TUSC3: variants seen among roughly 807,000 people sequenced by gnomAD.
The protein encoded by TUSC3 is tumor suppressor candidate 3, also known as dolichyl-diphosphooligosaccharide--protein glycosyltransferase subunit TUSC3.
Under a neutral mutation model 44.8 loss-of-function variants are expected in TUSC3, and 45 were observed. The observed-to-expected ratio is 1.00, with a 90% CI of 0.79 to 1.29. TUSC3 has a LOEUF of 1.29. Among genes scored for constraint, TUSC3 ranks in the 50% most tolerant of loss-of-function variants. The pLI, the probability that TUSC3 is intolerant of heterozygous loss-of-function variation, is 0.00. For synonymous variants in TUSC3, 212 were observed against 152.9 expected (o/e 1.39, Z -2.85); for missense variants, 519 against 437.9 (o/e 1.19, Z -1.65).
At chr8:15,655,571 C>G (rs75745100) in intron 3 of TUSC3, among the ~76,000 whole-genome samples, 2,034 of 152,312 alleles carry the variant, frequency 0.013, 19 homozygotes, top group East Asian at 0.043. Flanking sequence ...CCTGGCCTTC[C>G]TCCAAGTGCA....
At chr8:15,738,568 C>G (rs1811033481) in intron 7 of TUSC3, among the ~76,000 whole-genome samples, 1 of 152,102 alleles carries the variant, frequency 6.6e-6, no homozygotes, top group Non-Finnish European at 1.5e-5. Flanking sequence ...ACTTGCATAG[C>G]TGGAAAATAC....
At chr8:15,419,146 C>A (rs1799694001) in intron 1 of TUSC3, among the ~76,000 whole-genome samples, 1 of 152,194 alleles carries the variant, frequency 6.6e-6, no homozygotes, top group South Asian at 2.1e-4. Flanking sequence ...CATTTTGTCT[C>A]ATCTCTGCGA....
At chr8:15,473,770 A>G (rs554664150) in intron 1 of TUSC3, among the ~76,000 whole-genome samples, 1 of 152,332 alleles carries the variant, frequency 6.6e-6, no homozygotes, top group South Asian at 2.1e-4. Flanking sequence ...AACAAAGATC[A>G]CATGCTTCTG....
intron 1 of TUSC3, among the ~76,000 whole-genome samples, chr8:15,482,878 T>C (rs1180860193): frequency 6.6e-6 from 1 of 152,238 alleles, no homozygotes; most frequent in Non-Finnish European, 1.5e-5. Context: ...TTTTACATTT[T>C]CTCATGTGTC....
the TUSC3 span, among the ~76,000 whole-genome samples, chr8:15,793,771 T>TA: frequency 6.6e-6 from 1 of 152,192 alleles, no homozygotes; most frequent in Non-Finnish European, 1.5e-5. Flanking sequence ...ACCTGGCACA[T>TA]ATAGGAGCAC....
At chr8:15,452,634 G>T (rs1483963339) in intron 1 of TUSC3, among the ~76,000 whole-genome samples, 1 of 152,124 alleles carries the variant, frequency 6.6e-6, no homozygotes, top group Non-Finnish European at 1.5e-5. Flanking sequence ...GCCTTGCTTT[G>T]TAGTCCAGGA....
chr8:15,775,645 T>TAC, the TUSC3 span, among the ~76,000 whole-genome samples: 5 of 134,494 alleles, frequency 3.7e-5, no homozygotes, highest in African/African-American at 7.9e-5. Context: ...TATATATATA[T>TAC]ATATACACAC....
intron 1 of TUSC3, among the ~76,000 whole-genome samples, chr8:15,447,316 T>C (rs1226814251): frequency 6.6e-6 from 1 of 152,150 alleles, no homozygotes; most frequent in Non-Finnish European, 1.5e-5. Context: ...TCAATTAATT[T>C]ATATGCATGT....
intron 2 of TUSC3, among the ~76,000 whole-genome samples, chr8:15,515,160 C>T (rs1801200608): frequency 6.6e-6 from 1 of 152,036 alleles, no homozygotes; most frequent in South Asian, 2.1e-4. Context: ...TGACTTTCTC[C>T]TTCTTTTTCA....
intron 1 of TUSC3, among the ~76,000 whole-genome samples, chr8:15,599,534 G>T (rs1326687565): frequency 6.6e-6 from 1 of 151,484 alleles, no homozygotes; most frequent in Non-Finnish European, 1.5e-5. Context: ...TTTCTTTTAT[G>T]CTCTCTTATA....
intron 1 of TUSC3, among the ~76,000 whole-genome samples, chr8:15,448,716 AC>A (rs1443278978): frequency 6.6e-6 from 1 of 152,064 alleles, no homozygotes; most frequent in Admixed American, 6.6e-5. Context: ...GGATTATGAA[AC>A]TAAAAATGTT....
chr8:15,789,698 T>C, the TUSC3 span, among the ~76,000 whole-genome samples: 2 of 152,140 alleles, frequency 1.3e-5, no homozygotes, highest in African/African-American at 4.8e-5. Flanking sequence ...ACTTAAAAGA[T>C]GTATGAAACA....
chr8:15,585,209 C>G (rs1192809189), intron 1 of TUSC3, among the ~76,000 whole-genome samples: 1 of 152,014 alleles, frequency 6.6e-6, no homozygotes, highest in Non-Finnish European at 1.5e-5. Context: ...GATGTGGGAG[C>G]TATATAGGGG....
chr8:15,694,633 T>C (rs1395435321), intron 6 of TUSC3, among the ~76,000 whole-genome samples: 1 of 152,014 alleles, frequency 6.6e-6, no homozygotes, highest in Non-Finnish European at 1.5e-5. Context: ...TTGATATCCT[T>C]GGGGCCTTGA....
intron 1 of TUSC3, among the ~76,000 whole-genome samples, chr8:15,463,279 G>T (rs1052568575): frequency 6.6e-6 from 1 of 152,174 alleles, no homozygotes; most frequent in East Asian, 1.9e-4. Context: ...AAAAATATAT[G>T]CTGTTATTTT....
rs943819095 is a variant in TUSC3, at chr8:15,501,789, A to C, written n.189+18306A>C. On this transcript the variant is annotated intron_variant and non_coding_transcript_variant, in intron 2 of 5. Coordinates refer to the TUSC3 transcript ENST00000503191. ...TAACAGGATGCTGATTGCCTTACTT[A>C]TTTGTTTTCAGTGCTCTTTCAGAAA... Among the ~76,000 whole-genome samples the C allele has an allele frequency of 2.0e-4, 31 of 152,142 alleles. 1 individual carries two copies. The highest frequency in any genetic ancestry group is 2.0e-3 in the Admixed American group (31 of 15,284).
At chr8:15,624,471 T>A (rs1305087842) in intron 2 of TUSC3, among the ~76,000 whole-genome samples, 1 of 152,208 alleles carries the variant, frequency 6.6e-6, no homozygotes, top group Non-Finnish European at 1.5e-5. Flanking sequence ...TACCAGCATT[T>A]GCTGTTGTGA....
chr8:15,627,712 C>T (rs1805579388), intron 2 of TUSC3, among the ~76,000 whole-genome samples: 1 of 152,226 alleles, frequency 6.6e-6, no homozygotes, highest in South Asian at 2.1e-4. Context: ...AGTCCACCTG[C>T]AGCCTCACAG....
At chr8:15,645,296 T>G (rs1806572592) in intron 2 of TUSC3, among the ~76,000 whole-genome samples, 1 of 152,186 alleles carries the variant, frequency 6.6e-6, no homozygotes, top group Admixed American at 6.5e-5. Flanking sequence ...TACATTCTAT[T>G]ACTTGAACAC....
Sources: allele counts gnomAD v4.1 joint callset (sites outside exome capture counted in the v4.1 genomes callset), GRCh38; gene constraint gnomAD v4.1.1; transcripts MANE v1.5; gene names NCBI Gene and HGNC (gene_info 2026-07-23, HGNC 2026-07-21).